The following CNTNAP5 variants were observed in gnomAD, a reference collection of about 807,000 sequenced individuals.
The protein encoded by CNTNAP5 is contactin associated protein family member 5.
Under a neutral mutation model 150.2 loss-of-function variants are expected in CNTNAP5, and 72 were observed. The ratio of observed to expected loss-of-function variants is 0.48; its 90% CI spans 0.40 to 0.58. The LOEUF (loss-of-function observed/expected upper bound fraction) is 0.58, where lower values mean the gene tolerates loss of function less well. Among genes scored for constraint, CNTNAP5 ranks in the 20% least tolerant of loss-of-function variants. The pLI, the probability that CNTNAP5 is intolerant of heterozygous loss-of-function variation, is 0.00. For synonymous variants in CNTNAP5, 672 were observed against 619.8 expected, an observed-to-expected ratio of 1.08 and a Z score of -1.25; for missense variants, 1,636 against 1,626.2, an observed-to-expected ratio of 1.01 and a Z score of -0.10.
At chr2:124,038,507 T>A (rs1327098828) in intron 1 of CNTNAP5, among the ~76,000 whole-genome samples, 2 of 152,184 alleles carry the variant, frequency 1.3e-5, no homozygotes, top group Admixed American at 6.5e-5. Flanking sequence ...CAGAGTATTC[T>A]GAGGCTTTTC....
intron 4 of CNTNAP5, among the ~76,000 whole-genome samples, chr2:124,426,243 A>C (rs145607012): frequency 6.6e-6 from 1 of 152,286 alleles, no homozygotes; most frequent in African/African-American, 2.4e-5. Context: ...GAAATTTTGA[A>C]AGAAAAGCTA....
intron 19 of CNTNAP5, among the ~76,000 whole-genome samples, chr2:124,852,189 A>G (rs1365640780): frequency 1.3e-5 from 2 of 152,224 alleles, no homozygotes; most frequent in Non-Finnish European, 2.9e-5. Context: ...GTACTAACAA[A>G]TACTGAAGTC....
intron 19 of CNTNAP5, among the ~76,000 whole-genome samples, chr2:124,831,751 T>C (rs1016414125): frequency 1.3e-5 from 2 of 151,452 alleles, no homozygotes; most frequent in African/African-American, 2.4e-5. Context: ...TATTATTTAA[T>C]TTAACATAAC....
intron 1 of CNTNAP5, among the ~76,000 whole-genome samples, chr2:124,078,282 A>G (rs1156741531): frequency 6.6e-6 from 1 of 152,196 alleles, no homozygotes; most frequent in Admixed American, 6.5e-5. Flanking sequence ...TGTTCTGAAC[A>G]TCTTTCTACA....
chr2:124,706,325 A>G lies in CNTNAP5; in HGVS notation c.2078-40904A>G, dbSNP rs12992629. On this transcript the variant is annotated intron_variant, in intron 13 of 23. Coordinates refer to ENST00000682447, the MANE Select transcript of CNTNAP5 (RefSeq NM_001367498.1). ...AGCCACAGCTAAAGCATGATGCAAA[A>G]TATTAATTCAGGGAAATTTTATTTT... is the stretch of plus-strand genomic sequence containing the variant. Among the ~76,000 whole-genome samples the G allele has an allele frequency of 2.2e-4, 34 of 152,258 alleles. No individual in the cohort carries two copies. The South Asian group carries it at 4.3e-3, about 19-fold the overall frequency.
intron 3 of CNTNAP5, among the ~76,000 whole-genome samples, chr2:124,298,134 T>C (rs1477129559): frequency 6.6e-6 from 1 of 152,128 alleles, no homozygotes; most frequent in Non-Finnish European, 1.5e-5. Flanking sequence ...CACTCCCTTC[T>C]TCCTTTTTTC....
chr2:124,112,901 A>G (rs1175882455), intron 1 of CNTNAP5, among the ~76,000 whole-genome samples: 1 of 152,178 alleles, frequency 6.6e-6, no homozygotes, highest in Non-Finnish European at 1.5e-5. Flanking sequence ...AGCAATACAG[A>G]TATTTCATTA....
At chr2:124,067,149 G>C (rs1682181104) in intron 1 of CNTNAP5, among the ~76,000 whole-genome samples, 1 of 152,118 alleles carries the variant, frequency 6.6e-6, no homozygotes, top group South Asian at 2.1e-4. Context: ...AAAGATACTT[G>C]GGTGAACACA....
At chr2:124,218,341 G>A (rs1011678978) in intron 1 of CNTNAP5, among the ~76,000 whole-genome samples, 14 of 152,088 alleles carry the variant, frequency 9.2e-5, no homozygotes, top group African/African-American at 3.4e-4. Flanking sequence ...TCTCTTCAAC[G>A]TAAGCGAGGT....
chr2:124,287,358 T>G (rs1468152856), intron 3 of CNTNAP5, among the ~76,000 whole-genome samples: 1 of 152,076 alleles, frequency 6.6e-6, no homozygotes, highest in Non-Finnish European at 1.5e-5. Flanking sequence ...TAAATTAGGG[T>G]TGATAAAGGA....
At chr2:124,222,642 T>C (rs1338347045) in intron 2 of CNTNAP5, among the ~76,000 whole-genome samples, 1 of 151,652 alleles carries the variant, frequency 6.6e-6, no homozygotes, top group Non-Finnish European at 1.5e-5. Context: ...ATATTTTCCA[T>C]TGATATCTTA....
At chr2:124,674,539 C>CTTTCTTTCT (rs1678896052) in intron 13 of CNTNAP5, among the ~76,000 whole-genome samples, 1 of 130,220 alleles carries the variant, frequency 7.7e-6, no homozygotes, top group South Asian at 2.6e-4. Flanking sequence ...TTCTTTCTTT[C>CTTTCTTTCT]TTTCTTTCTT....
At chr2:124,307,447 C>T (rs1573905598) in intron 3 of CNTNAP5, among the ~76,000 whole-genome samples, 1 of 152,184 alleles carries the variant, frequency 6.6e-6, no homozygotes, top group African/African-American at 2.4e-5. Context: ...CAAAGCTCTA[C>T]TCACTGAAAT....
chr2:124,787,515 A>G (rs1241092926), intron 17 of CNTNAP5, among the ~76,000 whole-genome samples: 2 of 152,102 alleles, frequency 1.3e-5, no homozygotes, highest in Non-Finnish European at 2.9e-5. Flanking sequence ...TCAGAATGCA[A>G]GACGAGATCT....
Position 124,764,128 on chromosome 2 carries a change from C to T in CNTNAP5, c.2514C>T (p.Phe838=), listed in dbSNP as rs950499497. The change falls in exon 16 of 24, where the codon TTC becomes TTT. Residue 838 remains phenylalanine (F), a synonymous_variant. Transcript: ENST00000682447. ...TAGAAAATCTTGGCATTAAAGACTT[C>T]ATTCGACTCGAAATAAGCTGTAAGT... ...VFLENLGIKD[F]IRLEISSPSE... The T allele has an allele frequency of 6.2e-6, 10 of 1,612,574 alleles. No individual in the cohort carries two copies. Among genetic ancestry groups the T allele is most frequent in the Non-Finnish European group, 8.5e-6 (10 of 1,178,864 alleles).
chr2:124,420,211 G>T (rs550039801), intron 4 of CNTNAP5, among the ~76,000 whole-genome samples: 2 of 151,398 alleles, frequency 1.3e-5, no homozygotes, highest in South Asian at 2.1e-4. Context: ...GGCTGGTCTC[G>T]AACTCCTGAC....
chr2:124,830,302 ATACT>A (rs1267829290), intron 19 of CNTNAP5, among the ~76,000 whole-genome samples: 2 of 152,206 alleles, frequency 1.3e-5, no homozygotes, highest in Non-Finnish European at 2.9e-5. Context: ...TGGATGTAAA[ATACT>A]TAACCCTTTT....
intron 1 of CNTNAP5, among the ~76,000 whole-genome samples, chr2:124,202,445 A>G (rs1197519471): frequency 6.6e-6 from 1 of 151,688 alleles, no homozygotes; most frequent in Non-Finnish European, 1.5e-5. Context: ...ATGTTAATGA[A>G]TAAATCCATC....
chr2:124,033,816 G>A (rs991260984), intron 1 of CNTNAP5, among the ~76,000 whole-genome samples: 2 of 152,104 alleles, frequency 1.3e-5, no homozygotes, highest in Admixed American at 6.5e-5. Context: ...GTGGGGAAGG[G>A]AGCCTTCCAA....
Sources: gnomAD v4.1 joint callset for allele counts (sites outside exome capture counted in the v4.1 genomes callset) on GRCh38, gnomAD v4.1.1 for gene constraint, MANE v1.5 for transcripts, NCBI Gene and HGNC (gene_info 2026-07-23, HGNC 2026-07-21) for gene names.